Variants in TEX9 observed in about 807,000 individuals in gnomAD.
The protein encoded by TEX9 is testis-expressed protein 9.
In TEX9, 74 loss-of-function variants were observed where a neutral mutation model predicts 59.6. The ratio of observed to expected loss-of-function variants is 1.24; its 90% confidence interval spans 1.03 to 1.51. The LOEUF is 1.51. Among genes scored for constraint, TEX9 ranks in the 40% most tolerant of loss-of-function variants. The pLI is 0.00. For synonymous variants in TEX9, 186 were observed against 152.2 expected (o/e 1.22, Z -1.64); for missense variants, 522 against 447.8 (o/e 1.17, Z -1.49).
At chr15:56,435,858 A>G (rs1473684431) in intron 12 of TEX9, among the ~76,000 whole-genome samples, 1 of 152,098 alleles carries the variant, frequency 6.6e-6, no homozygotes, top group Non-Finnish European at 1.5e-5. Flanking sequence ...AAAAAATTAC[A>G]GACCAATATT....
At chr15:56,308,612 A>G (rs1338149321) in intron 1 of TEX9, among the ~76,000 whole-genome samples, 1 of 152,084 alleles carries the variant, frequency 6.6e-6, no homozygotes, top group African/African-American at 2.4e-5. Context: ...TTTTGGTATC[A>G]TATCTAAGAA....
chr15:56,372,567 A>G (rs1297380620), intron 2 of TEX9, among the ~76,000 whole-genome samples: 4 of 152,208 alleles, frequency 2.6e-5, no homozygotes, highest in African/African-American at 7.2e-5. Flanking sequence ...AGAGTTCAGT[A>G]CATTATCTTA....
chr15:56,418,596 A>G (rs1331246636), intron 10 of TEX9, among the ~76,000 whole-genome samples: 2 of 151,486 alleles, frequency 1.3e-5, no homozygotes, highest in African/African-American at 4.9e-5. Context: ...GCTTGCAGTG[A>G]GCCAAGATTG....
chr15:56,398,686 A>T (rs567889637), intron 9 of TEX9, among the ~76,000 whole-genome samples: 20 of 152,278 alleles, frequency 1.3e-4, no homozygotes, highest in Non-Finnish European at 2.2e-4. Context: ...TCCATTTCTT[A>T]TCCATTGTAT....
chr15:56,286,545 C>T (rs2044957698), intron 1 of TEX9, among the ~76,000 whole-genome samples: 1 of 152,120 alleles, frequency 6.6e-6, no homozygotes, highest in African/African-American at 2.4e-5. Context: ...AGCAGCAGAG[C>T]ACATCTAGAA....
intron 1 of TEX9, among the ~76,000 whole-genome samples, chr15:56,342,594 C>T (rs1212728252): frequency 6.6e-6 from 1 of 151,902 alleles, no homozygotes; most frequent in East Asian, 1.9e-4. Context: ...CAGAAATAAA[C>T]ACACTTAAAC....
intron 8 of TEX9, 133 bp from the exon 9 acceptor site, chr15:56,394,527 TA>T: frequency 1.4e-6 from 1 of 734,604 alleles, no homozygotes; most frequent in Non-Finnish European, 2.2e-6. Context: ...TTTTTGAAGA[TA>T]AAAATAGACT....
intron 1 of TEX9, among the ~76,000 whole-genome samples, chr15:56,315,164 T>C (rs2045723454): frequency 6.8e-6 from 1 of 147,314 alleles, no homozygotes; most frequent in African/African-American, 2.5e-5. Context: ...AAAGTTAGTA[T>C]TGTTATGTGT....
At chr15:56,401,026 C>T (rs1372147352) in intron 9 of TEX9, among the ~76,000 whole-genome samples, 1 of 152,058 alleles carries the variant, frequency 6.6e-6, no homozygotes, top group East Asian at 1.9e-4. Flanking sequence ...ACTGCAAAAA[C>T]AGGCCAAATG....
chr15:56,434,111 CA>C (rs769882132), intron 12 of TEX9: 7 of 1,598,784 alleles, frequency 4.4e-6, no homozygotes, highest in African/African-American at 4.1e-5. Context: ...TGATAATGAC[CA>C]AAAAAACCCC....
chr15:56,323,003 C>T (rs907468780), intron 1 of TEX9, among the ~76,000 whole-genome samples: 6 of 151,954 alleles, frequency 3.9e-5, no homozygotes, highest in Admixed American at 1.3e-4. Context: ...AAATAAAGAA[C>T]GGAGGCACAG....
intron 1 of TEX9, among the ~76,000 whole-genome samples, chr15:56,342,718 G>A (rs2046396105): frequency 6.6e-6 from 1 of 152,086 alleles, no homozygotes; most frequent in Non-Finnish European, 1.5e-5. Flanking sequence ...AACCCACAAG[G>A]ACAAATGTGG....
At chr15:56,253,751 G>C (rs1303722466) in intron 1 of TEX9, among the ~76,000 whole-genome samples, 1 of 151,872 alleles carries the variant, frequency 6.6e-6, no homozygotes, top group Non-Finnish European at 1.5e-5. Context: ...GTCACTTATC[G>C]CTGCCCAATG....
At chr15:56,272,661 A>G (rs1373354996) in intron 1 of TEX9, among the ~76,000 whole-genome samples, 2 of 152,118 alleles carry the variant, frequency 1.3e-5, no homozygotes, top group South Asian at 2.1e-4. Flanking sequence ...TGGTAACTCT[A>G]TTTTTAACTT....
downstream of TEX9, chr15:56,447,118 G>C: frequency 1.9e-6 from 1 of 529,036 alleles, no homozygotes; most frequent in Non-Finnish European, 3.4e-6. Flanking sequence ...TAGGGCATTA[G>C]GGCTTACATT....
Position 56,394,146 on chromosome 15 carries a change from T to C in TEX9, c.572-19T>C, listed in dbSNP as rs780970934. 1 of 1,594,592 alleles carries C rather than the reference T, an allele frequency of 6.3e-7. No homozygotes were observed. The highest frequency in any genetic ancestry group is 1.1e-5 in the South Asian group (1 of 87,488). ...TAGATTCAGCAAAAGACAGTAAATA[T>C]AATTATTTAAATTCACAGAAGCACA... On this transcript the variant is annotated intron_variant, in intron 7 of 12. Transcript: ENST00000352903.
intron 10 of TEX9, among the ~76,000 whole-genome samples, chr15:56,423,131 C>G (rs2050063527): frequency 6.6e-6 from 1 of 152,132 alleles, no homozygotes. Context: ...ATCAATGTCT[C>G]CTAGAGAAAA....
At chr15:56,454,268 AT>A in the TEX9 span, among the ~76,000 whole-genome samples, 1 of 152,198 alleles carries the variant, frequency 6.6e-6, no homozygotes, top group Non-Finnish European at 1.5e-5. Flanking sequence ...TACATGAGAC[AT>A]TTTGATATAG....
At chr15:56,374,450 G>C (rs1426594305) in intron 3 of TEX9, 3 of 152,078 alleles carry the variant, frequency 2.0e-5, no homozygotes, top group African/African-American at 7.2e-5. Context: ...TGGGGTAAAT[G>C]AGATATTTTG....
Sources: gnomAD v4.1 joint callset for allele counts (sites outside exome capture counted in the v4.1 genomes callset) on GRCh38, gnomAD v4.1.1 for gene constraint, MANE v1.5 for transcripts, NCBI Gene and HGNC (gene_info 2026-07-23, HGNC 2026-07-21) for gene names.